Variants in CATSPERE observed in about 807,000 individuals in gnomAD.
CATSPERE encodes catsper channel auxiliary subunit epsilon, also known as cation channel sperm-associated auxiliary subunit epsilon.
CATSPERE carries 93 observed loss-of-function variants against 114.1 expected under a neutral mutation model. The observed-to-expected ratio is 0.81, with a 90% confidence interval of 0.69 to 0.97. The LOEUF is 0.97. CATSPERE is among the 50% of genes least tolerant of loss of function. The pLI, the probability that CATSPERE is intolerant of heterozygous loss-of-function variation, is 0.00. For missense variants in CATSPERE, 1,058 were observed against 1,131.6 expected (o/e 0.93, Z 0.93); for synonymous variants, 341 against 384.1 (o/e 0.89, Z 1.31).
intron 2 of CATSPERE, among the ~76,000 whole-genome samples, chr1:244,467,581 C>A (rs140713090): frequency 6.6e-6 from 1 of 152,160 alleles, no homozygotes; most frequent in Non-Finnish European, 1.5e-5. Flanking sequence ...TGAATATATA[C>A]GTATCCTGTG....
At chr1:244,539,203 A>C (rs1042220744) in intron 8 of CATSPERE, among the ~76,000 whole-genome samples, 1 of 151,708 alleles carries the variant, frequency 6.6e-6, no homozygotes, top group African/African-American at 2.4e-5. Context: ...ATTTTGTCAA[A>C]GGCCTTTTCT....
chr1:244,625,255 G>A (rs1312012927), intron 20 of CATSPERE, among the ~76,000 whole-genome samples: 2 of 150,824 alleles, frequency 1.3e-5, no homozygotes, highest in Admixed American at 1.3e-4. Context: ...GTGTTAGTAG[G>A]CATGATAGGC....
intron 7 of CATSPERE, among the ~76,000 whole-genome samples, chr1:244,507,481 T>G (rs1387127198): frequency 6.6e-6 from 1 of 150,804 alleles, no homozygotes; most frequent in Non-Finnish European, 1.5e-5. Flanking sequence ...TAGAAGCTTT[T>G]TAATTTAATA....
At chr1:244,483,268 A>G (rs1171395280) in intron 5 of CATSPERE, among the ~76,000 whole-genome samples, 1 of 152,186 alleles carries the variant, frequency 6.6e-6, no homozygotes, top group Non-Finnish European at 1.5e-5. Context: ...TTCTATAGTA[A>G]TTTACATGTG....
chr1:244,602,076 G>A (rs1345602047), intron 17 of CATSPERE, among the ~76,000 whole-genome samples: 1 of 152,114 alleles, frequency 6.6e-6, no homozygotes, highest in African/African-American at 2.4e-5. Flanking sequence ...GGACAAGTGG[G>A]GGATGGGAGA....
chr1:244,599,290 G>A lies in CATSPERE; in HGVS notation c.2303+5712G>A, dbSNP rs115686720. 5.0e-3 allele frequency among the ~76,000 whole-genome samples: 763 copies of A among 152,096 alleles called. 9 individuals carry two copies. Among genetic ancestry groups the A allele is most frequent in the African/African-American group, 0.018 (743 of 41,482 alleles). ...TTAGATGTCAATAGATATATCAAAC[G>A]TAACCTGTCCAAAACTGAACTCCTG... On this transcript the variant is annotated intron_variant, in intron 17 of 21. Transcript: ENST00000366534.
intron 8 of CATSPERE, among the ~76,000 whole-genome samples, chr1:244,526,191 T>C (rs1251893166): frequency 6.6e-6 from 1 of 152,094 alleles, no homozygotes; most frequent in Non-Finnish European, 1.5e-5. Flanking sequence ...GCAGACTGCC[T>C]GAGCTCAGGA....
At chr1:244,511,138 T>A (rs1675691314) in intron 7 of CATSPERE, among the ~76,000 whole-genome samples, 1 of 152,162 alleles carries the variant, frequency 6.6e-6, no homozygotes, top group Non-Finnish European at 1.5e-5. Flanking sequence ...CCACCGCGCC[T>A]GGCTGAATGC....
At chr1:244,637,172 A>G (rs1403736021) in intron 21 of CATSPERE, among the ~76,000 whole-genome samples, 1 of 152,062 alleles carries the variant, frequency 6.6e-6, no homozygotes, top group Non-Finnish European at 1.5e-5. Context: ...TCGTTCTTGT[A>G]ACAAAACCAA....
intron 8 of CATSPERE, among the ~76,000 whole-genome samples, chr1:244,539,106 A>C (rs973731553): frequency 1.3e-5 from 2 of 152,128 alleles, no homozygotes; most frequent in African/African-American, 4.8e-5. Flanking sequence ...ATCTGGCCCT[A>C]CTCAACAGCA....
chr1:244,602,416 T>C (rs921988429), intron 17 of CATSPERE, among the ~76,000 whole-genome samples: 2 of 152,030 alleles, frequency 1.3e-5, no homozygotes, highest in African/African-American at 4.8e-5. Context: ...GCGGCAGGGG[T>C]GGCCACCGGG....
chr1:244,597,230 C>T (rs1185198392), intron 17 of CATSPERE, among the ~76,000 whole-genome samples: 2 of 152,188 alleles, frequency 1.3e-5, no homozygotes, highest in African/African-American at 4.8e-5. Flanking sequence ...AGCCCTTCAG[C>T]TTCTGTGGTC....
intron 13 of CATSPERE, among the ~76,000 whole-genome samples, chr1:244,588,129 G>C (rs536613270): frequency 1.3e-5 from 2 of 150,468 alleles, no homozygotes; most frequent in Non-Finnish European, 2.9e-5. Flanking sequence ...GGGTGGCGTA[G>C]GTTGCAGTGA....
chr1:244,543,790 G>T (rs1659277396), intron 8 of CATSPERE, among the ~76,000 whole-genome samples: 1 of 151,700 alleles, frequency 6.6e-6, no homozygotes, highest in Admixed American at 6.6e-5. Context: ...TTCTTCTTTG[G>T]ATTAACTGAT....
chr1:244,578,352 G>A (rs762602841), intron 11 of CATSPERE, among the ~76,000 whole-genome samples: 17 of 151,860 alleles, frequency 1.1e-4, no homozygotes, highest in African/African-American at 3.4e-4. Context: ...AGGGTTTCAC[G>A]CTGTTGGCCA....
chr1:244,602,739 T>G (rs1669437074), intron 17 of CATSPERE, among the ~76,000 whole-genome samples: 1 of 152,166 alleles, frequency 6.6e-6, no homozygotes, highest in Non-Finnish European at 1.5e-5. Context: ...CAGGATTTCT[T>G]TGTTACCCTG....
At chr1:244,528,654 C>A (rs996244107) in intron 8 of CATSPERE, among the ~76,000 whole-genome samples, 2 of 152,062 alleles carry the variant, frequency 1.3e-5, no homozygotes, top group Admixed American at 1.3e-4. Flanking sequence ...TAATTATACT[C>A]TTTTAGTTAT....
chr1:244,515,689 G>A (rs1028487027), intron 7 of CATSPERE, among the ~76,000 whole-genome samples: 2 of 152,086 alleles, frequency 1.3e-5, no homozygotes, highest in African/African-American at 4.8e-5. Context: ...TGTTTCAAAC[G>A]GGAAGATTCA....
Position 244,581,570 on chromosome 1 carries a change from A to G in CATSPERE, c.1951-226A>G, listed in dbSNP as rs543340125. ...TAACAGCTCTATATCTATACCCACT[A>G]TGTACATTAATATTTTATTATATTT... On this transcript the variant is annotated intron_variant, in intron 11 of 21. Coordinates refer to ENST00000366534, the MANE Select transcript of CATSPERE (RefSeq NM_001130957.2). 3.7e-4 allele frequency among the ~76,000 whole-genome samples: 57 copies of G among 152,184 alleles called. 1 individual carries two copies. The highest frequency in any genetic ancestry group is 6.8e-4 in the Non-Finnish European group (46 of 68,026).
Sources: gnomAD v4.1 joint callset for allele counts (sites outside exome capture counted in the v4.1 genomes callset) on GRCh38, gnomAD v4.1.1 for gene constraint, MANE v1.5 for transcripts, NCBI Gene and HGNC (gene_info 2026-07-23, HGNC 2026-07-21) for gene names.